The following KHDRBS2 variants were observed in gnomAD, a reference collection of about 807,000 sequenced individuals.
The protein encoded by KHDRBS2 is KH RNA binding domain containing, signal transduction associated 2, also known as KH domain-containing, RNA-binding, signal transduction-associated protein 2.
KHDRBS2 carries 26 observed loss-of-function variants against 44.3 expected under a neutral mutation model. The ratio of observed to expected loss-of-function variants is 0.59; its 90% confidence interval spans 0.43 to 0.81. The LOEUF is 0.81. Among genes scored for constraint, KHDRBS2 ranks in the 40% least tolerant of loss-of-function variants. The probability of loss-of-function intolerance (pLI) is 0.00; values close to 1 mark genes in which losing one functional copy is unlikely to be tolerated. For missense variants in KHDRBS2, 476 were observed against 433.1 expected (o/e 1.10, Z -0.88); for synonymous variants, 194 against 151.1 (o/e 1.28, Z -2.08).
At chr6:62,070,100 A>T (rs1324162411) in intron 2 of KHDRBS2, among the ~76,000 whole-genome samples, 1 of 151,736 alleles carries the variant, frequency 6.6e-6, no homozygotes, top group Non-Finnish European at 1.5e-5. Context: ...TTACTATGGT[A>T]TATTACATTA....
At chr6:61,720,539 C>A (rs1041253481) in intron 7 of KHDRBS2, among the ~76,000 whole-genome samples, 37 of 152,146 alleles carry the variant, frequency 2.4e-4, no homozygotes, top group Non-Finnish European at 1.8e-4. Flanking sequence ...TGATGGTGAA[C>A]ATTTTTTCAT....
intron 8 of KHDRBS2, among the ~76,000 whole-genome samples, chr6:61,692,483 A>G (rs1317197769): frequency 6.6e-6 from 1 of 152,034 alleles, no homozygotes; most frequent in African/African-American, 2.4e-5. Context: ...AATATTTAAT[A>G]TTAAATTATT....
At chr6:61,826,805 C>T (rs377047778) in intron 6 of KHDRBS2, among the ~76,000 whole-genome samples, 1 of 152,044 alleles carries the variant, frequency 6.6e-6, no homozygotes, top group Non-Finnish European at 1.5e-5. Flanking sequence ...AAACCCTTAC[C>T]ATAAAATTTG....
intron 6 of KHDRBS2, among the ~76,000 whole-genome samples, chr6:61,737,526 A>T (rs1775551222): frequency 6.6e-6 from 1 of 152,132 alleles, no homozygotes; most frequent in South Asian, 2.1e-4. Flanking sequence ...AGATGTCAAC[A>T]CTGCATCCTA....
At chr6:61,920,996 T>C (rs1807973844) in intron 4 of KHDRBS2, among the ~76,000 whole-genome samples, 1 of 151,842 alleles carries the variant, frequency 6.6e-6, no homozygotes, top group African/African-American at 2.4e-5. Flanking sequence ...ATTACATATT[T>C]CAAAATCAGT....
rs73476693 is a variant in KHDRBS2, at chr6:61,843,722, A to G, written c.810+50913T>C. Among the ~76,000 whole-genome samples, 1,500 of 152,220 alleles carry G rather than the reference A, an allele frequency of 9.9e-3. 26 individuals are homozygous for G. Among genetic ancestry groups the G allele is most frequent in the African/African-American group, 0.035 (1,442 of 41,548 alleles). On this transcript the variant is annotated intron_variant, in intron 6 of 8. Transcript: ENST00000281156. ...ATGCATCTTTGTATTAGTAATTGTT[A>G]GGCCTTTATTTTTTTCTTTTCACAT... is the stretch of plus-strand genomic sequence containing the variant.
chr6:61,955,192 A>T (rs1187594853), intron 4 of KHDRBS2, among the ~76,000 whole-genome samples: 2 of 145,204 alleles, frequency 1.4e-5, no homozygotes, highest in Admixed American at 6.9e-5. Context: ...ATACGTTTGT[A>T]TGTATACATA....
chr6:61,614,422 A>G, the KHDRBS2 span, among the ~76,000 whole-genome samples: 1 of 152,212 alleles, frequency 6.6e-6, no homozygotes, highest in African/African-American at 2.4e-5. Context: ...ACTTCCAAAG[A>G]TTTCCTAGTG....
chr6:61,946,468 T>C (rs543896268), intron 4 of KHDRBS2, among the ~76,000 whole-genome samples: 1 of 152,318 alleles, frequency 6.6e-6, no homozygotes, highest in Admixed American at 6.5e-5. Context: ...GTGCAGAATA[T>C]TGTCCTAAAG....
At chr6:62,069,847 T>A (rs762917401) in intron 2 of KHDRBS2, among the ~76,000 whole-genome samples, 17 of 151,806 alleles carry the variant, frequency 1.1e-4, no homozygotes, top group Non-Finnish European at 2.1e-4. Context: ...TTTATGTGAG[T>A]AAATTTTAAC....
chr6:61,899,912 G>C (rs1344100166), intron 5 of KHDRBS2, among the ~76,000 whole-genome samples: 1 of 151,824 alleles, frequency 6.6e-6, no homozygotes, highest in Non-Finnish European at 1.5e-5. Context: ...GACTAGCAAT[G>C]ATGTCTTTTT....
chr6:61,983,200 T>TTTTCTTTCTTTC (rs70993191), intron 3 of KHDRBS2, among the ~76,000 whole-genome samples: 1,955 of 45,924 alleles, frequency 0.043, 94 homozygotes, highest in East Asian at 0.14. Flanking sequence ...GTTTTTTTCA[T>TTTTCTTTCTTTC]TTTCTTTCTT....
the KHDRBS2 span, among the ~76,000 whole-genome samples, chr6:61,569,568 G>C: frequency 6.6e-6 from 1 of 152,122 alleles, no homozygotes; most frequent in Admixed American, 6.5e-5. Flanking sequence ...CAACATCCTG[G>C]CTAATCAGAG....
chr6:62,111,043 G>T (rs1025887009), intron 2 of KHDRBS2, among the ~76,000 whole-genome samples: 9 of 151,874 alleles, frequency 5.9e-5, no homozygotes, highest in Non-Finnish European at 1.2e-4. Flanking sequence ...GATTATCTAA[G>T]GATCTAGGGA....
At chr6:62,007,526 A>T (rs757039079) in intron 3 of KHDRBS2, among the ~76,000 whole-genome samples, 7 of 152,056 alleles carry the variant, frequency 4.6e-5, no homozygotes, top group Non-Finnish European at 8.8e-5. Flanking sequence ...TTTATGCTTA[A>T]TTATCATGCA....
chr6:62,178,791 T>C (rs1162997299), intron 1 of KHDRBS2, among the ~76,000 whole-genome samples: 1 of 151,558 alleles, frequency 6.6e-6, no homozygotes, highest in African/African-American at 2.4e-5. Flanking sequence ...TCTTAGTCAA[T>C]GTACTAAAAT....
chr6:62,202,102 G>T (rs517310), intron 1 of KHDRBS2, among the ~76,000 whole-genome samples: 16 of 151,744 alleles, frequency 1.1e-4, no homozygotes, highest in African/African-American at 3.6e-4. Flanking sequence ...ATTGGGTATA[G>T]GACTTGTATT....
chr6:61,545,351 A>G, the KHDRBS2 span, among the ~76,000 whole-genome samples: 1 of 151,972 alleles, frequency 6.6e-6, no homozygotes, highest in Non-Finnish European at 1.5e-5. Context: ...TCCTTTCCCA[A>G]GATAGATTTA....
intron 8 of KHDRBS2, among the ~76,000 whole-genome samples, chr6:61,684,648 C>A (rs894683056): frequency 6.6e-6 from 1 of 151,732 alleles, no homozygotes; most frequent in African/African-American, 2.4e-5. Flanking sequence ...GTAAGATTCT[C>A]TCAATATCAG....
Sources: gnomAD v4.1 joint callset for allele counts (sites outside exome capture counted in the v4.1 genomes callset) on GRCh38, gnomAD v4.1.1 for gene constraint, MANE v1.5 for transcripts, NCBI Gene and HGNC (gene_info 2026-07-23, HGNC 2026-07-21) for gene names.